The following PARVA variants were observed in gnomAD, a reference collection of about 807,000 sequenced individuals.
PARVA encodes the protein alpha-parvin.
A neutral mutation model predicts 52.6 loss-of-function variants in PARVA; 25 were observed. The observed-to-expected ratio is 0.48, with a 90% CI of 0.35 to 0.66. PARVA has a LOEUF of 0.66. Ranked by LOEUF, PARVA falls within the 30% of genes least tolerant of loss-of-function variation. The pLI is 0.01. For synonymous variants in PARVA, 185 were observed against 179.1 expected (o/e 1.03, Z -0.26); for missense variants, 373 against 450.9 (o/e 0.83, Z 1.56).
At chr11:12,467,721 A>G (rs1940871478) in intron 1 of PARVA, among the ~76,000 whole-genome samples, 1 of 152,254 alleles carries the variant, frequency 6.6e-6, no homozygotes, top group African/African-American at 2.4e-5. Context: ...AAGGATCTAG[A>G]GCAGCCTAAA....
chr11:12,465,718 A>G (rs1285883724), intron 1 of PARVA, among the ~76,000 whole-genome samples: 1 of 152,236 alleles, frequency 6.6e-6, no homozygotes, highest in Non-Finnish European at 1.5e-5. Context: ...ATCACTAAAT[A>G]ATAATTTTCA....
chr11:12,474,376 GT>G (rs1940976994), intron 3 of PARVA, among the ~76,000 whole-genome samples: 1 of 151,914 alleles, frequency 6.6e-6, no homozygotes, highest in African/African-American at 2.4e-5. Flanking sequence ...TTTGTTTATG[GT>G]CATAAACAAG....
At chr11:12,406,422 TTAAA>T (rs1290982791) in intron 1 of PARVA, among the ~76,000 whole-genome samples, 1 of 152,198 alleles carries the variant, frequency 6.6e-6, no homozygotes, top group Non-Finnish European at 1.5e-5. Flanking sequence ...TAGTGGTTGA[TTAAA>T]TAACAGGATA....
intron 1 of PARVA, among the ~76,000 whole-genome samples, chr11:12,407,946 G>A (rs10831810): frequency 0.24 from 36,803 of 152,184 alleles, 5,226 homozygotes; most frequent in East Asian, 0.48. Flanking sequence ...AGGAACCTGC[G>A]ATGAGTCCCC....
At chr11:12,443,108 G>T (rs560810709) in intron 1 of PARVA, among the ~76,000 whole-genome samples, 1 of 144,674 alleles carries the variant, frequency 6.9e-6, no homozygotes, top group African/African-American at 2.5e-5. Flanking sequence ...TGATCCGCCC[G>T]CCTGGGCCTC....
chr11:12,445,773 G>A (rs147751065), intron 1 of PARVA, among the ~76,000 whole-genome samples: 22 of 152,218 alleles, frequency 1.4e-4, no homozygotes, highest in Middle Eastern at 3.4e-3. Flanking sequence ...GGGGCCATAT[G>A]TCCTTAATTT....
intron 1 of PARVA, among the ~76,000 whole-genome samples, chr11:12,466,049 G>C (rs1940850474): frequency 6.6e-6 from 1 of 152,142 alleles, no homozygotes; most frequent in Non-Finnish European, 1.5e-5. Context: ...TCTAGTTGAT[G>C]TCTAGTGATA....
At chr11:12,407,861 C>T (rs569135436) in intron 1 of PARVA, among the ~76,000 whole-genome samples, 2 of 152,288 alleles carry the variant, frequency 1.3e-5, no homozygotes, top group African/African-American at 4.8e-5. Context: ...AGGAGTAGGT[C>T]TCCCTGCCAT....
intron 8 of PARVA, 178 bp from the exon 9 acceptor site, chr11:12,513,121 A>G: frequency 1.4e-6 from 1 of 715,368 alleles, no homozygotes; most frequent in Non-Finnish European, 2.6e-6. Flanking sequence ...GGTGAGAATC[A>G]CCCCAAATCT....
intron 1 of PARVA, among the ~76,000 whole-genome samples, chr11:12,396,619 A>T (rs369260826): frequency 2.0e-5 from 3 of 152,382 alleles, no homozygotes; most frequent in South Asian, 2.1e-4. Flanking sequence ...CCTGGCCCTC[A>T]GTGGGCATTC....
chr11:12,402,028 T>C (rs955796207), intron 1 of PARVA, among the ~76,000 whole-genome samples: 2 of 152,186 alleles, frequency 1.3e-5, no homozygotes, highest in Non-Finnish European at 2.9e-5. Context: ...TCATGTAAAG[T>C]GTTATAACCT....
chr11:12,380,565 A>C (rs941719647), intron 1 of PARVA, among the ~76,000 whole-genome samples: 6 of 151,118 alleles, frequency 4.0e-5, no homozygotes, highest in Non-Finnish European at 8.8e-5. Flanking sequence ...AGGGATCTGC[A>C]ATAGATAGGG....
At chr11:12,427,557 A>AGTGTG (rs1202440194) in intron 1 of PARVA, among the ~76,000 whole-genome samples, 2 of 152,240 alleles carry the variant, frequency 1.3e-5, no homozygotes, top group Non-Finnish European at 2.9e-5. Flanking sequence ...GATGGAAGCA[A>AGTGTG]GTGTGGGCTT....
intron 6 of PARVA, among the ~76,000 whole-genome samples, chr11:12,506,392 C>T (rs1402081105): frequency 6.6e-6 from 1 of 152,086 alleles, no homozygotes; most frequent in Non-Finnish European, 1.5e-5. Flanking sequence ...AAATCCAGTC[C>T]AGTTCTTTGT....
intron 1 of PARVA, among the ~76,000 whole-genome samples, chr11:12,398,668 T>C (rs61875449): frequency 0.11 from 16,525 of 151,706 alleles, 1,257 homozygotes; most frequent in African/African-American, 0.21. Flanking sequence ...TCTTGGTTTT[T>C]CCTTCTACAA....
Position 12,378,983 on chromosome 11 carries a change from C to T in PARVA, c.136+1200C>T, listed in dbSNP as rs139998908. Reference sequence around the variant, plus strand: ...ATGGCCACTCCATAGACAGAGCAGCCTGGGGCTGCTGGTTGCCCATTTTTA... The same window carrying T: ...ATGGCCACTCCATAGACAGAGCAGCTTGGGGCTGCTGGTTGCCCATTTTTA... On this transcript the variant is annotated intron_variant, in intron 1 of 12. Transcript: ENST00000334956. Among the ~76,000 whole-genome samples, 3 of 152,270 alleles carry T rather than the reference C, an allele frequency of 2.0e-5. No homozygotes were observed. In the East Asian group the frequency reaches 5.8e-4, roughly 29 times the overall value.
intron 1 of PARVA, among the ~76,000 whole-genome samples, chr11:12,464,116 C>T (rs1482900189): frequency 1.3e-5 from 2 of 151,890 alleles, no homozygotes; most frequent in African/African-American, 4.8e-5. Flanking sequence ...TAGAAACGAA[C>T]ATCTGGGCTC....
chr11:12,526,997 G>C (rs1233366249), intron 12 of PARVA, among the ~76,000 whole-genome samples: 1 of 152,154 alleles, frequency 6.6e-6, no homozygotes, highest in Non-Finnish European at 1.5e-5. Flanking sequence ...CCTGCCAGCT[G>C]CCAGTTTCCA....
At chr11:12,527,108 T>C (rs542682987) in intron 12 of PARVA, among the ~76,000 whole-genome samples, 1 of 152,354 alleles carries the variant, frequency 6.6e-6, no homozygotes, top group East Asian at 1.9e-4. Flanking sequence ...TGCTGGCCTA[T>C]TGGGAATTCT....
Sources: allele counts gnomAD v4.1 joint callset (sites outside exome capture counted in the v4.1 genomes callset), GRCh38; gene constraint gnomAD v4.1.1; transcripts MANE v1.5; gene names NCBI Gene and HGNC (gene_info 2026-07-23, HGNC 2026-07-21).